IRAK1BP1: variants seen among roughly 807,000 people sequenced by gnomAD.
IRAK1BP1 encodes interleukin 1 receptor associated kinase 1 binding protein 1.
IRAK1BP1 carries 24 observed loss-of-function variants against 28.0 expected under a neutral mutation model. That is an observed-to-expected ratio of 0.86 (90% CI 0.62 to 1.20). The LOEUF (loss-of-function observed/expected upper bound fraction) is 1.20. Ranked by LOEUF, IRAK1BP1 falls within the 50% of genes most tolerant of loss-of-function variation. The pLI is 0.00. For missense variants in IRAK1BP1, 336 were observed against 316.7 expected, an observed-to-expected ratio of 1.06 and a Z score of -0.46; for synonymous variants, 131 against 116.3, an observed-to-expected ratio of 1.13 and a Z score of -0.81.
At position 78,898,308 on chromosome 6, in the gene IRAK1BP1, AAAGAG is replaced by A. The variant is rs1277698273; in HGVS notation, c.765_769del (p.Arg256LysfsTer24). 6.3e-7 allele frequency: 1 copy of A among 1,582,484 alleles called. No individual in the cohort carries two copies. The highest frequency in any genetic ancestry group is 8.6e-7 in the Non-Finnish European group (1 of 1,165,060). On this transcript the variant is annotated frameshift_variant, in exon 4 of 4. Coordinates refer to ENST00000369940, the MANE Select transcript of IRAK1BP1 (RefSeq NM_001010844.4). LOFTEE classifies it high-confidence loss of function. ...ATTTATAACTTTTGAGGTAAAGGGA[AAAGAG>A]AAGAGAAAAAAGCACCTTTGAAATT...
the IRAK1BP1 span, among the ~76,000 whole-genome samples, chr6:78,951,572 A>T: frequency 2.0e-5 from 3 of 152,326 alleles, no homozygotes; most frequent in African/African-American, 7.2e-5. Context: ...GTAATTAACA[A>T]AACAACAAAC....
chr6:78,920,428 G>A (rs1405746775), intron 4 of IRAK1BP1, among the ~76,000 whole-genome samples: 5 of 152,148 alleles, frequency 3.3e-5, no homozygotes, highest in Non-Finnish European at 7.4e-5. Context: ...TACAAAAACA[G>A]ACACATGGAC....
At chr6:78,963,298 G>A in the IRAK1BP1 span, 1 of 1,475,662 alleles carries the variant, frequency 6.8e-7, no homozygotes, top group Non-Finnish European at 9.2e-7. Flanking sequence ...TAACTTATTA[G>A]TATTCAGGTT....
In IRAK1BP1 at chr6:78,929,794, G is replaced by A. The variant is rs570733917; in HGVS notation, c.*68-15614G>A. On this transcript the variant is annotated intron_variant and NMD_transcript_variant, in intron 4 of 4. Coordinates refer to the IRAK1BP1 transcript ENST00000606868. ...CATTGGGTTTGCTTTCTCAAGAAGA[G>A]ACAAGTTAGTCTGGAGTACCTAAAC... 1.8e-4 allele frequency among the ~76,000 whole-genome samples: 27 copies of A among 152,226 alleles called. No individual in the cohort carries two copies. In the East Asian group the frequency reaches 4.6e-3, roughly 26 times the overall value.
At chr6:78,929,648 C>A (rs1772988311) in intron 4 of IRAK1BP1, among the ~76,000 whole-genome samples, 1 of 152,142 alleles carries the variant, frequency 6.6e-6, no homozygotes, top group Non-Finnish European at 1.5e-5. Context: ...ACCTGGGTAA[C>A]AAACTTGCTC....
intron 2 of IRAK1BP1, among the ~76,000 whole-genome samples, chr6:78,893,130 A>G (rs1771723690): frequency 6.6e-6 from 1 of 151,768 alleles, no homozygotes; most frequent in Non-Finnish European, 1.5e-5. Context: ...ATTGCTCAAA[A>G]CCAGTGATAA....
chr6:78,874,151 T>C (rs1770902788), intron 1 of IRAK1BP1, among the ~76,000 whole-genome samples: 1 of 152,214 alleles, frequency 6.6e-6, no homozygotes, highest in Non-Finnish European at 1.5e-5. Flanking sequence ...TGCAACCATA[T>C]TTATTTTAAA....
At chr6:78,935,006 G>A (rs1287535033) in intron 4 of IRAK1BP1, among the ~76,000 whole-genome samples, 1 of 152,080 alleles carries the variant, frequency 6.6e-6, no homozygotes, top group Non-Finnish European at 1.5e-5. Context: ...TATATTGCAA[G>A]GAACAGAGGT....
the IRAK1BP1 span, chr6:78,978,588 G>GT: frequency 6.4e-7 from 1 of 1,570,470 alleles, no homozygotes; most frequent in South Asian, 1.2e-5. Flanking sequence ...AACTTTTAAA[G>GT]TACCTCATCA....
At chr6:78,978,610 C>G in the IRAK1BP1 span, 3 of 1,590,312 alleles carry the variant, frequency 1.9e-6, no homozygotes, top group Non-Finnish European at 2.6e-6. Flanking sequence ...CCATCTGTGG[C>G]ACAAATGGAC....
chr6:78,944,426 G>A (rs1773691245), intron 4 of IRAK1BP1, among the ~76,000 whole-genome samples: 1 of 152,186 alleles, frequency 6.6e-6, no homozygotes, highest in African/African-American at 2.4e-5. Flanking sequence ...ACTGAGGCAG[G>A]AAGACCAGTT....
At chr6:78,955,245 G>T in the IRAK1BP1 span, 1 of 1,606,938 alleles carries the variant, frequency 6.2e-7, no homozygotes, top group Non-Finnish European at 8.5e-7. Context: ...CCTTTTTCGA[G>T]TAGAAGTTCC....
chr6:78,969,801 T>G, the IRAK1BP1 span: 1 of 1,032,044 alleles, frequency 9.7e-7, no homozygotes, highest in Non-Finnish European at 1.4e-6. Flanking sequence ...AAAAACCACA[T>G]CAAACATCGA....
chr6:78,945,776 GT>G lies in IRAK1BP1; in HGVS notation c.*439del, dbSNP rs1481831115. On this transcript the variant is annotated 3_prime_UTR_variant and NMD_transcript_variant, in exon 5 of 5. Transcript: ENST00000606868. ...GGGTACTGTGATTTAAATTCAGGTA[GT>G]TTAGATCAGAGTTGCCATTTTTAAG... The G allele has an allele frequency of 1.4e-5, 8 of 590,998 alleles. No individual in the cohort carries two copies. The African/African-American group carries it at 1.5e-4, about 11-fold the overall frequency. The allele number at this position is 590,998 out of a possible 1,614,324, so 36.6% of individuals were successfully genotyped here.
At chr6:78,963,618 A>G in the IRAK1BP1 span, among the ~76,000 whole-genome samples, 1 of 152,196 alleles carries the variant, frequency 6.6e-6, no homozygotes, top group African/African-American at 2.4e-5. Flanking sequence ...AAACTGAACT[A>G]AAGTGACATT....
chr6:78,946,887 A>G, downstream of IRAK1BP1: 1 of 1,532,932 alleles, frequency 6.5e-7, no homozygotes, highest in Non-Finnish European at 8.7e-7. Context: ...GTGAGGGAAA[A>G]AAAAAAGTGT....
At chr6:78,956,771 C>G in the IRAK1BP1 span, 1 of 152,046 alleles carries the variant, frequency 6.6e-6, no homozygotes, top group Non-Finnish European at 1.5e-5. Context: ...CTTCTCCTCC[C>G]CTGTATCTGA....
chr6:78,937,443 T>G (rs1263165628), intron 4 of IRAK1BP1: 3 of 151,730 alleles, frequency 2.0e-5, no homozygotes, highest in African/African-American at 7.2e-5. Flanking sequence ...GAGGGACAGT[T>G]CTAGATGTTA....
downstream of IRAK1BP1, among the ~76,000 whole-genome samples, chr6:78,904,913 A>G (rs1264213252): frequency 3.3e-5 from 5 of 151,568 alleles, no homozygotes; most frequent in Admixed American, 6.5e-5. Flanking sequence ...TTCATTTTCA[A>G]TGTACCTATT....
Sources: gnomAD v4.1 joint callset for allele counts (sites outside exome capture counted in the v4.1 genomes callset) on GRCh38, gnomAD v4.1.1 for gene constraint, MANE v1.5 for transcripts, NCBI Gene and HGNC (gene_info 2026-07-23, HGNC 2026-07-21) for gene names.